Variants in ASTN2 observed in about 807,000 individuals in gnomAD.
ASTN2 encodes astrotactin 2.
In ASTN2, 54 loss-of-function variants were observed where a neutral mutation model predicts 139.8. The ratio of observed to expected loss-of-function variants is 0.39; its 90% CI spans 0.31 to 0.48. The LOEUF (loss-of-function observed/expected upper bound fraction) is 0.48, where lower values mean the gene tolerates loss of function less well. ASTN2 is among the 20% of genes least tolerant of loss of function. ASTN2 has a pLI of 0.95. For synonymous variants in ASTN2, 756 were observed against 719.5 expected, an observed-to-expected ratio of 1.05 and a Z score of -0.81; for missense variants, 1,565 against 1,725.1, an observed-to-expected ratio of 0.91 and a Z score of 1.64.
chr9:117,336,839 A>G (rs916950595), intron 1 of ASTN2, among the ~76,000 whole-genome samples: 3 of 152,024 alleles, frequency 2.0e-5, no homozygotes, highest in Non-Finnish European at 4.4e-5. Flanking sequence ...AAGGTCCAGC[A>G]CTCTCCCAGA....
chr9:116,989,637 G>A (rs915191263), intron 7 of ASTN2, among the ~76,000 whole-genome samples: 32 of 139,248 alleles, frequency 2.3e-4, no homozygotes, highest in Non-Finnish European at 4.4e-4. Context: ...AGATTGGAAT[G>A]CAATTGTGCA....
intron 1 of ASTN2, among the ~76,000 whole-genome samples, chr9:117,306,145 C>G (rs1834993045): frequency 6.6e-6 from 1 of 152,206 alleles, no homozygotes; most frequent in Non-Finnish European, 1.5e-5. Context: ...ATTGTCACAC[C>G]TCCCTCTGGC....
At chr9:117,366,414 G>C (rs1473784880) in intron 1 of ASTN2, among the ~76,000 whole-genome samples, 2 of 152,126 alleles carry the variant, frequency 1.3e-5, no homozygotes, top group African/African-American at 4.8e-5. Flanking sequence ...TGGCATCCCT[G>C]TTTTATACAG....
chr9:116,790,677 A>ATT (rs372460577), intron 13 of ASTN2, among the ~76,000 whole-genome samples: 132 of 138,216 alleles, frequency 9.6e-4, no homozygotes, highest in Admixed American at 1.8e-3. Context: ...ATCTCCAGAG[A>ATT]TTTTTTTTTT....
chr9:116,976,033 T>A (rs1836332385), intron 9 of ASTN2, 81 bp downstream of exon 9: 1 of 1,370,388 alleles, frequency 7.3e-7, no homozygotes, highest in Non-Finnish European at 1.0e-6. Flanking sequence ...GGCTCAATAG[T>A]CTAAGGATCC....
At chr9:116,668,055 T>G (rs1203035159) in intron 16 of ASTN2, among the ~76,000 whole-genome samples, 2 of 152,250 alleles carry the variant, frequency 1.3e-5, no homozygotes, top group African/African-American at 4.8e-5. Context: ...AAAAATACGG[T>G]GTGCTCCACC....
In ASTN2 at chr9:116,487,356, T is replaced by TA. The variant is rs1281172561; in HGVS notation, c.3497+2dup. ...TGATCCCCACACACCCAACACATCT[T>TA]ACTTGTAGAGACCGTCGGGCTCCAG... is the stretch of plus-strand genomic sequence containing the variant. On this transcript the variant is annotated splice_region_variant and intron_variant, in intron 20 of 22. Coordinates refer to ENST00000313400, the MANE Select transcript of ASTN2 (RefSeq NM_001365068.1). The TA allele has an allele frequency of 6.2e-7, 1 of 1,613,864 alleles. No individual in the cohort carries two copies. The highest frequency in any genetic ancestry group is 1.1e-5 in the South Asian group (1 of 91,032).
chr9:116,447,670 C>T (rs1302268636), intron 20 of ASTN2, among the ~76,000 whole-genome samples: 2 of 152,164 alleles, frequency 1.3e-5, no homozygotes. Flanking sequence ...CAACGGGAAT[C>T]ATAATATTAA....
chr9:117,364,462 C>T (rs1215581752), intron 1 of ASTN2, among the ~76,000 whole-genome samples: 1 of 152,122 alleles, frequency 6.6e-6, no homozygotes, highest in African/African-American at 2.4e-5. Context: ...TTGAACTTGC[C>T]TGAATTATCT....
chr9:117,043,907 C>CAA (rs10713427), intron 5 of ASTN2, among the ~76,000 whole-genome samples: 1,345 of 119,084 alleles, frequency 0.011, 13 homozygotes, highest in East Asian at 0.046. Flanking sequence ...GACTCTGTCT[C>CAA]AAAAAAAAAA....
chr9:117,365,062 T>C (rs115701170), intron 1 of ASTN2, among the ~76,000 whole-genome samples: 1,507 of 150,144 alleles, frequency 0.01, 27 homozygotes, highest in African/African-American at 0.033. Flanking sequence ...TGGGAAAGGA[T>C]TGCTTGAACC....
chr9:116,685,214 C>A (rs1210593165), intron 16 of ASTN2, among the ~76,000 whole-genome samples: 1 of 152,090 alleles, frequency 6.6e-6, no homozygotes, highest in East Asian at 1.9e-4. Context: ...TCTTGTGGCC[C>A]CCCCACTCAG....
At chr9:117,148,331 C>T (rs577731859) in intron 3 of ASTN2, among the ~76,000 whole-genome samples, 5 of 152,156 alleles carry the variant, frequency 3.3e-5, no homozygotes, top group African/African-American at 1.2e-4. Context: ...TCTAACAGAG[C>T]TTCTAGAACA....
chr9:117,098,188 T>A (rs1435728954), intron 4 of ASTN2, among the ~76,000 whole-genome samples: 1 of 152,182 alleles, frequency 6.6e-6, no homozygotes, highest in Non-Finnish European at 1.5e-5. Context: ...AGTGTCAAGA[T>A]GCTAAGTACA....
chr9:117,281,434 A>T (rs993204782), intron 2 of ASTN2, among the ~76,000 whole-genome samples: 1 of 152,220 alleles, frequency 6.6e-6, no homozygotes, highest in Admixed American at 6.5e-5. Flanking sequence ...AGAAAGGTGG[A>T]TTAATTGAAG....
At chr9:116,753,420 G>A (rs1829450974) in intron 13 of ASTN2, among the ~76,000 whole-genome samples, 1 of 152,162 alleles carries the variant, frequency 6.6e-6, no homozygotes, top group African/African-American at 2.4e-5. Flanking sequence ...TGTATATTCT[G>A]TATGATACTA....
intron 4 of ASTN2, among the ~76,000 whole-genome samples, chr9:117,126,724 ACT>A (rs1829697260): frequency 6.6e-6 from 1 of 152,200 alleles, no homozygotes; most frequent in Non-Finnish European, 1.5e-5. Flanking sequence ...AAAGTAATTT[ACT>A]CCAGTGAACG....
intron 19 of ASTN2, chr9:116,611,914 A>G (rs1029822964): frequency 6.6e-6 from 1 of 152,168 alleles, no homozygotes; most frequent in African/African-American, 2.4e-5. Context: ...ATATTTTATA[A>G]TTCATTTTGT....
At chr9:116,607,088 C>T (rs532011819) in intron 19 of ASTN2, among the ~76,000 whole-genome samples, 1 of 152,194 alleles carries the variant, frequency 6.6e-6, no homozygotes, top group Non-Finnish European at 1.5e-5. Flanking sequence ...TCATCTACAG[C>T]ATCAACTGGT....
Sources: allele counts gnomAD v4.1 joint callset (sites outside exome capture counted in the v4.1 genomes callset), GRCh38; gene constraint gnomAD v4.1.1; transcripts MANE v1.5; gene names NCBI Gene and HGNC (gene_info 2026-07-23, HGNC 2026-07-21).